COL4A1: variants seen among roughly 807,000 people sequenced by gnomAD.
The protein encoded by COL4A1 is collagen type IV alpha 1 chain.
Under a neutral mutation model 216.6 loss-of-function variants are expected in COL4A1, and 40 were observed. The observed-to-expected ratio is 0.18, with a 90% CI of 0.14 to 0.24. COL4A1 has a LOEUF of 0.24. Among genes scored for constraint, COL4A1 ranks in the 10% least tolerant of loss-of-function variants. The probability of loss-of-function intolerance (pLI) is 1.00; values close to 1 mark genes in which losing one functional copy is unlikely to be tolerated. For synonymous variants in COL4A1, 839 were observed against 810.7 expected (o/e 1.03, Z -0.59); for missense variants, 1,628 against 2,196.8 (o/e 0.74, Z 5.18).
intron 1 of COL4A1, among the ~76,000 whole-genome samples, chr13:110,247,917 G>A (rs962041763): frequency 1.3e-5 from 2 of 151,488 alleles, no homozygotes; most frequent in South Asian, 4.2e-4. Flanking sequence ...TCTGATGAAG[G>A]CATATTTGGA....
intron 1 of COL4A1, among the ~76,000 whole-genome samples, chr13:110,249,306 TG>T (rs1484529841): frequency 1.3e-5 from 2 of 151,966 alleles, no homozygotes; most frequent in Non-Finnish European, 2.9e-5. Flanking sequence ...TGTGCACTTG[TG>T]ATGTTTGCAC....
rs1876411125 is a variant in COL4A1 at position 110,149,678 on chromosome 13, T to C, written c.*685A>G. On this transcript the variant is annotated 3_prime_UTR_variant, in exon 52 of 52. Transcript: ENST00000375820. Reference sequence around the variant, plus strand: ...TTAACAGTGGAAGTTAAACTAAACCTTGATCTGCCTAATTGCTGACATCTA... The same window carrying C: ...TTAACAGTGGAAGTTAAACTAAACCCTGATCTGCCTAATTGCTGACATCTA... The C allele has an allele frequency of 6.6e-6, 1 of 152,482 alleles. No homozygotes were observed. Among genetic ancestry groups the C allele is most frequent in the South Asian group, 2.1e-4 (1 of 4,834 alleles). 9.4% of individuals were successfully genotyped at this position (152,482 alleles called of 1,614,324 possible). A position where few individuals can be genotyped will look rare whatever the true frequency, so the allele number is the denominator to read the frequency against.
At position 110,206,401 on chromosome 13, in the gene COL4A1, G is replaced by A. The variant is rs9588115; in HGVS notation, c.858+264C>T. The stretch of plus-strand genomic sequence containing the variant: ...AGCAGGACCGAAGGTTTCAGGGATG[G>A]CCCAGGGCTCTTCAGAAGCCTCTCT... On this transcript the variant is annotated intron_variant, in intron 15 of 51. Transcript: ENST00000375820. Among the ~76,000 whole-genome samples the A allele has an allele frequency of 2.6e-3, 393 of 152,342 alleles. 2 individuals carry two copies. The highest frequency in any genetic ancestry group is 8.2e-3 in the African/African-American group (343 of 41,578).
At position 110,306,987 on chromosome 13, in the gene COL4A1, G is replaced by A. The variant is rs1230150331; in HGVS notation, c.41C>T (p.Ala14Val). ...RLSVWLLLLP[A>V]ALLLHEEHSR... Reference sequence around the variant, plus strand: ...GTGCTCCTCGTGGAGCAGAAGGGCGGCGGGCAGCAGCAGCAGCCAGACGCT... The same window carrying A: ...GTGCTCCTCGTGGAGCAGAAGGGCGACGGGCAGCAGCAGCAGCCAGACGCT... The change falls in exon 1 of 52, where the codon GCC (alanine) becomes GTC (valine). Residue 14 changes from alanine (A) to valine (V), a missense_variant. Ala to Val is a moderately conservative substitution (Grantham distance 64). This residue lies in a region of COL4A1 where 74 missense variants were observed against 61.7 expected (regional missense o/e 1.20). Transcript: ENST00000375820. The A allele has an allele frequency of 1.4e-6, 2 of 1,477,554 alleles. No individual in the cohort carries two copies. Among genetic ancestry groups the A allele is most frequent in the South Asian group, 1.3e-5 (1 of 77,972 alleles). 91.5% of individuals were successfully genotyped at this position (1,477,554 alleles called of 1,614,324 possible). A position where few individuals can be genotyped will look rare whatever the true frequency, so the allele number is the denominator to read the frequency against.
In COL4A1 at chr13:110,219,878, G is replaced by A. The variant is rs868380622; in HGVS notation, c.145-5863C>T. Among the ~76,000 whole-genome samples the A allele has an allele frequency of 1.2e-3, 104 of 86,934 alleles. 3 individuals are homozygous for A. In the East Asian group the frequency reaches 0.026, roughly 21 times the overall value. 57.0% of individuals were successfully genotyped at this position (86,934 alleles called of 152,430 possible). A position where few individuals can be genotyped will look rare whatever the true frequency, so the allele number is the denominator to read the frequency against. ...TATGTATATATGTGTGTGTATATAT[G>A]TATATATATGTGTGTATATATATGT... On this transcript the variant is annotated intron_variant, in intron 2 of 51. Transcript: ENST00000375820.
intron 28 of COL4A1, among the ~76,000 whole-genome samples, chr13:110,182,181 C>T (rs1878191641): frequency 6.6e-6 from 1 of 152,146 alleles, no homozygotes. Context: ...CTCTGCTGCC[C>T]GCCCAGCCTG....
chr13:110,289,794 C>G (rs1442687225), intron 1 of COL4A1, among the ~76,000 whole-genome samples: 1 of 152,168 alleles, frequency 6.6e-6, no homozygotes, highest in Non-Finnish European at 1.5e-5. Flanking sequence ...TGAGATGCTC[C>G]GGATCCCAGG....
chr13:110,167,290 T>C (rs575346538), intron 43 of COL4A1, 60 bp from the exon 44 acceptor site: 1 of 1,291,790 alleles, frequency 7.7e-7, no homozygotes, highest in East Asian at 2.3e-5. Context: ...GTCTCTCCAG[T>C]AACCTGCTAG....
At chr13:110,275,286 T>G (rs1282228613) in intron 1 of COL4A1, among the ~76,000 whole-genome samples, 1 of 151,924 alleles carries the variant, frequency 6.6e-6, no homozygotes, top group Non-Finnish European at 1.5e-5. Context: ...GATAAACAGG[T>G]TGAAAATAAC....
At chr13:110,247,701 C>T (rs1048116946) in intron 1 of COL4A1, among the ~76,000 whole-genome samples, 6 of 151,342 alleles carry the variant, frequency 4.0e-5, no homozygotes, top group Non-Finnish European at 4.4e-5. Context: ...GAATTCCATT[C>T]CAGAGGATGC....
intron 1 of COL4A1, among the ~76,000 whole-genome samples, chr13:110,275,523 A>G (rs1883395192): frequency 6.6e-6 from 1 of 152,216 alleles, no homozygotes; most frequent in Non-Finnish European, 1.5e-5. Flanking sequence ...AACACACCAC[A>G]CAATCCAGCA....
At chr13:110,183,424 T>A (rs1413238725) in intron 26 of COL4A1, 148 bp from the exon 27 acceptor site, 6 of 763,628 alleles carry the variant, frequency 7.9e-6, no homozygotes, top group Non-Finnish European at 1.3e-5. Context: ...TGTTCTCCAC[T>A]TCTTCCCTTG....
At chr13:110,228,071 C>A (rs1189037722) in intron 2 of COL4A1, among the ~76,000 whole-genome samples, 2 of 152,172 alleles carry the variant, frequency 1.3e-5, no homozygotes, top group African/African-American at 4.8e-5. Context: ...AAGGGATGCA[C>A]AGGGACATAC....
chr13:110,253,632 ATG>A (rs1882347295), intron 1 of COL4A1, among the ~76,000 whole-genome samples: 2 of 131,958 alleles, frequency 1.5e-5, no homozygotes, highest in African/African-American at 2.7e-5. Context: ...ATAATTATAT[ATG>A]TATGTATGTA....
At chr13:110,277,592 T>A (rs963713384) in intron 1 of COL4A1, among the ~76,000 whole-genome samples, 3 of 152,196 alleles carry the variant, frequency 2.0e-5, no homozygotes, top group African/African-American at 7.2e-5. Flanking sequence ...GTTCGGGTGA[T>A]GGGCATCCAC....
At chr13:110,274,606 A>G (rs1883365604) in intron 1 of COL4A1, among the ~76,000 whole-genome samples, 1 of 152,170 alleles carries the variant, frequency 6.6e-6, no homozygotes, top group South Asian at 2.1e-4. Flanking sequence ...TGCGGCAGGC[A>G]CACCACCCCT....
At chr13:110,191,635 G>A (rs1467788319) in intron 24 of COL4A1, 1 of 688,688 alleles carries the variant, frequency 1.5e-6, no homozygotes, top group Non-Finnish European at 2.6e-6. Context: ...TTCATTTATG[G>A]ATTTGAAAAA....
intron 2 of COL4A1, among the ~76,000 whole-genome samples, chr13:110,231,281 T>C (rs1165733945): frequency 6.6e-6 from 1 of 152,128 alleles, no homozygotes; most frequent in Non-Finnish European, 1.5e-5. Flanking sequence ...TGGAGTCTTG[T>C]ACGTGGAAGT....
chr13:110,189,747 C>T (rs539804220), intron 24 of COL4A1, among the ~76,000 whole-genome samples: 1 of 152,300 alleles, frequency 6.6e-6, no homozygotes, highest in East Asian at 1.9e-4. Flanking sequence ...AATTAGCCTC[C>T]TCTATGCGGC....
Sources: allele counts gnomAD v4.1 joint callset (sites outside exome capture counted in the v4.1 genomes callset), GRCh38; gene constraint gnomAD v4.1.1; regional missense constraint gnomAD v4.1.1; transcripts MANE v1.5; gene names NCBI Gene and HGNC (gene_info 2026-07-23, HGNC 2026-07-21).